Variants in CSGALNACT1 observed in about 807,000 individuals in gnomAD.
The protein encoded by CSGALNACT1 is beta4GalNAcT-1.
CSGALNACT1 carries 52 observed loss-of-function variants against 51.0 expected under a neutral mutation model. The ratio of observed to expected loss-of-function variants is 1.02; its 90% confidence interval spans 0.82 to 1.29. The LOEUF is 1.29. Ranked by LOEUF, CSGALNACT1 falls within the 50% of genes most tolerant of loss-of-function variation. CSGALNACT1 has a pLI of 0.00. For missense variants in CSGALNACT1, 935 were observed against 679.2 expected (o/e 1.38, Z -4.19); for synonymous variants, 341 against 254.4 (o/e 1.34, Z -3.24).
At chr8:19,468,044 T>G (rs146499593) in intron 4 of CSGALNACT1, among the ~76,000 whole-genome samples, 66 of 152,294 alleles carry the variant, frequency 4.3e-4, no homozygotes, top group Non-Finnish European at 6.9e-4. Context: ...AGGATTCACA[T>G]TCTAGAGAGA....
At chr8:19,672,141 CCTCT>C (rs1244572355) in intron 1 of CSGALNACT1, among the ~76,000 whole-genome samples, 1 of 152,096 alleles carries the variant, frequency 6.6e-6, no homozygotes, top group Non-Finnish European at 1.5e-5. Context: ...TCTTTGTCTC[CCTCT>C]CTTTCTGTCA....
intron 6 of CSGALNACT1, among the ~76,000 whole-genome samples, chr8:19,432,951 A>T (rs2059855364): frequency 6.6e-6 from 1 of 151,576 alleles, no homozygotes; most frequent in Non-Finnish European, 1.5e-5. Context: ...AGTTCTAATG[A>T]CCGATTTTTT....
intron 3 of CSGALNACT1, among the ~76,000 whole-genome samples, chr8:19,512,332 G>A (rs1184393900): frequency 2.0e-5 from 3 of 152,184 alleles, no homozygotes; most frequent in Non-Finnish European, 2.9e-5. Flanking sequence ...GGCCTGAGAT[G>A]ACTGCAACCA....
intron 3 of CSGALNACT1, among the ~76,000 whole-genome samples, chr8:19,569,178 G>A (rs1243450782): frequency 1.3e-5 from 2 of 152,184 alleles, no homozygotes; most frequent in Non-Finnish European, 2.9e-5. Flanking sequence ...ATCCTGAAAA[G>A]TACACAGTTA....
chr8:19,688,430 A>G (rs2154213416), intron 1 of CSGALNACT1, among the ~76,000 whole-genome samples: 1 of 152,334 alleles, frequency 6.6e-6, no homozygotes, highest in East Asian at 1.9e-4. Flanking sequence ...GGGGTCACGC[A>G]GGTGGTGGGC....
At chr8:19,684,613 C>T (rs536952392), upstream of CSGALNACT1, among the ~76,000 whole-genome samples, 1 of 152,112 alleles carries the variant, frequency 6.6e-6, no homozygotes, top group Non-Finnish European at 1.5e-5. Flanking sequence ...CTGAAGGTAT[C>T]GAGCCACCCT....
intron 3 of CSGALNACT1, among the ~76,000 whole-genome samples, chr8:19,512,009 C>G (rs1273959637): frequency 1.3e-5 from 2 of 152,210 alleles, no homozygotes; most frequent in African/African-American, 4.8e-5. Flanking sequence ...CCACCAGGTC[C>G]CTCCCTCAAT....
chr8:19,449,642 A>G (rs2062745123), intron 5 of CSGALNACT1, among the ~76,000 whole-genome samples: 3 of 152,344 alleles, frequency 2.0e-5, no homozygotes, highest in South Asian at 4.1e-4. Context: ...AAATTCAAGT[A>G]CAAGATTTCC....
chr8:19,725,020 T>C (rs1446143903), intron 1 of CSGALNACT1, among the ~76,000 whole-genome samples: 2 of 152,192 alleles, frequency 1.3e-5, no homozygotes, highest in African/African-American at 4.8e-5. Flanking sequence ...GCTGTCTGAC[T>C]CATGAGCTCC....
intron 1 of CSGALNACT1, among the ~76,000 whole-genome samples, chr8:19,661,174 A>T (rs947279631): frequency 2.0e-5 from 3 of 151,800 alleles, no homozygotes; most frequent in Admixed American, 6.6e-5. Context: ...TCAGCCTCCC[A>T]AAGTGTTGGG....
chr8:19,675,879 T>C (rs759543552), intron 1 of CSGALNACT1, among the ~76,000 whole-genome samples: 2 of 151,934 alleles, frequency 1.3e-5, no homozygotes, highest in Non-Finnish European at 2.9e-5. Context: ...CAAAGCGATA[T>C]AACAGAGACC....
chr8:19,676,606 T>C (rs2060210583), intron 1 of CSGALNACT1, among the ~76,000 whole-genome samples: 1 of 152,148 alleles, frequency 6.6e-6, no homozygotes, highest in South Asian at 2.1e-4. Context: ...ATACATGCTG[T>C]GTAGTATAAG....
At chr8:19,680,473 T>C (rs2154208206) in intron 1 of CSGALNACT1, among the ~76,000 whole-genome samples, 1 of 149,998 alleles carries the variant, frequency 6.7e-6, no homozygotes, top group African/African-American at 2.4e-5. Flanking sequence ...GGACAATCAC[T>C]TGAACCCAGG....
chr8:19,635,810 C>T (rs1299100997), intron 1 of CSGALNACT1, among the ~76,000 whole-genome samples: 1 of 152,152 alleles, frequency 6.6e-6, no homozygotes, highest in Admixed American at 6.5e-5. Flanking sequence ...TCATTGCAAC[C>T]TCTGCCTCCC....
chr8:19,516,808 AG>A (rs1165784708), intron 3 of CSGALNACT1, among the ~76,000 whole-genome samples: 2 of 152,086 alleles, frequency 1.3e-5, no homozygotes, highest in Non-Finnish European at 2.9e-5. Flanking sequence ...AGCCCCCAGG[AG>A]GGGGTGAGAT....
At chr8:19,566,252 G>A (rs1215775466) in intron 3 of CSGALNACT1, among the ~76,000 whole-genome samples, 4 of 152,162 alleles carry the variant, frequency 2.6e-5, no homozygotes, top group Non-Finnish European at 2.9e-5. Context: ...GAAGAGGAAG[G>A]AGCAATGTGA....
chr8:19,658,062 CAAAAAAAAAAA>C lies in CSGALNACT1; in HGVS notation c.-544+24400_-544+24410del, dbSNP rs397973082. On this transcript the variant is annotated intron_variant, in intron 1 of 9. Coordinates refer to the CSGALNACT1 transcript ENST00000332246. Reference sequence around the variant, plus strand: ...TATGTGTGCCCTCTCACCCTCCTTCCAAAAAAAAAAAAAAAAAAAAAAGTCCTGTTAAAGCC... The same window carrying C: ...TATGTGTGCCCTCTCACCCTCCTTCCAAAAAAAAAAAGTCCTGTTAAAGCC... Among the ~76,000 whole-genome samples, 5 of 86,686 alleles carry C rather than the reference CAAAAAAAAAAA, an allele frequency of 5.8e-5. 1 individual carries two copies. Among genetic ancestry groups the C allele is most frequent in the African/African-American group, 1.5e-4 (3 of 20,200 alleles). The allele number at this position is 86,686 out of a possible 152,430, so 56.9% of individuals were successfully genotyped here. A position where few individuals can be genotyped will look rare whatever the true frequency, so the allele number is the denominator to read the frequency against.
chr8:19,673,493 G>T (rs1000171149), intron 1 of CSGALNACT1, among the ~76,000 whole-genome samples: 2 of 152,204 alleles, frequency 1.3e-5, no homozygotes, highest in African/African-American at 4.8e-5. Context: ...GTCTCAGCTG[G>T]CTTCCACACT....
At chr8:19,405,555 G>C in exon 10 of CSGALNACT1, 1 of 687,026 alleles carries the variant, frequency 1.5e-6, no homozygotes. Flanking sequence ...TTCTGCCTTT[G>C]TCAGACACTT....
Sources: gnomAD v4.1 joint callset for allele counts (sites outside exome capture counted in the v4.1 genomes callset) on GRCh38, gnomAD v4.1.1 for gene constraint, MANE v1.5 for transcripts, NCBI Gene and HGNC (gene_info 2026-07-23, HGNC 2026-07-21) for gene names.